TMEM135: variants seen among roughly 807,000 people sequenced by gnomAD.
The protein encoded by TMEM135 is transmembrane protein 135.
TMEM135 carries 30 observed loss-of-function variants against 60.3 expected under a neutral mutation model. That is an observed-to-expected ratio of 0.50 (90% CI 0.37 to 0.68). The LOEUF (loss-of-function observed/expected upper bound fraction) is 0.68. Among genes scored for constraint, TMEM135 ranks in the 30% least tolerant of loss-of-function variants. The pLI, the probability that TMEM135 is intolerant of heterozygous loss-of-function variation, is 0.00. For synonymous variants in TMEM135, 190 were observed against 186.7 expected (o/e 1.02, Z -0.14); for missense variants, 468 against 548.8 (o/e 0.85, Z 1.47).
chr11:87,053,616 A>T (rs981783417), intron 1 of TMEM135, among the ~76,000 whole-genome samples: 2 of 152,052 alleles, frequency 1.3e-5, no homozygotes, highest in Admixed American at 1.3e-4. Flanking sequence ...TACTTCCCTT[A>T]CTTTTATAGT....
At chr11:87,233,081 G>A (rs1940922479) in intron 5 of TMEM135, among the ~76,000 whole-genome samples, 1 of 152,066 alleles carries the variant, frequency 6.6e-6, no homozygotes, top group Admixed American at 6.6e-5. Flanking sequence ...AACCTGGGAG[G>A]TGGAGGTTGC....
intron 7 of TMEM135, among the ~76,000 whole-genome samples, chr11:87,301,662 T>A (rs1349631436): frequency 3.0e-4 from 46 of 152,186 alleles, no homozygotes; most frequent in Non-Finnish European, 2.9e-5. Context: ...AGTTATTCTT[T>A]ATAAGGGCAA....
intron 5 of TMEM135, among the ~76,000 whole-genome samples, chr11:87,234,216 C>T (rs962339842): frequency 3.3e-5 from 5 of 152,066 alleles, no homozygotes; most frequent in Middle Eastern, 3.4e-3. Flanking sequence ...CCCCAGTCTT[C>T]TGTATTTCTT....
chr11:87,080,193 A>G (rs1015459051), intron 3 of TMEM135, among the ~76,000 whole-genome samples: 10 of 135,812 alleles, frequency 7.4e-5, no homozygotes, highest in South Asian at 2.3e-4. Flanking sequence ...TTTGATATCA[A>G]CAAGGACAAG....
chr11:87,182,615 A>T (rs2135304869), intron 5 of TMEM135, among the ~76,000 whole-genome samples: 1 of 152,246 alleles, frequency 6.6e-6, no homozygotes, highest in African/African-American at 2.4e-5. Flanking sequence ...AATATTATGG[A>T]GATGTCTGAA....
intron 3 of TMEM135, among the ~76,000 whole-genome samples, chr11:87,072,052 A>G: frequency 6.6e-6 from 1 of 152,024 alleles, no homozygotes; most frequent in Non-Finnish European, 1.5e-5. Flanking sequence ...TATTAGCTGG[A>G]TGTGATGATG....
intron 5 of TMEM135, among the ~76,000 whole-genome samples, chr11:87,210,255 T>G (rs563434219): frequency 2.6e-5 from 4 of 152,230 alleles, no homozygotes; most frequent in East Asian, 3.9e-4. Context: ...TAAACAGGAT[T>G]GTTGTGGCAC....
At chr11:87,133,830 A>G (rs1473924209) in intron 4 of TMEM135, among the ~76,000 whole-genome samples, 1 of 151,972 alleles carries the variant, frequency 6.6e-6, no homozygotes, top group Non-Finnish European at 1.5e-5. Flanking sequence ...CAGCATAATT[A>G]TTTTGAGATT....
intron 4 of TMEM135, among the ~76,000 whole-genome samples, chr11:87,156,216 C>A (rs1938690691): frequency 6.6e-6 from 1 of 152,138 alleles, no homozygotes; most frequent in South Asian, 2.1e-4. Flanking sequence ...ATTCCATTGT[C>A]TTAGATGTCC....
chr11:87,174,916 T>G (rs1360816639), intron 5 of TMEM135, among the ~76,000 whole-genome samples: 1 of 152,130 alleles, frequency 6.6e-6, no homozygotes, highest in Non-Finnish European at 1.5e-5. Flanking sequence ...ATCTCTAATG[T>G]GGTGGGAAGA....
At chr11:87,206,411 T>G (rs368959351) in intron 5 of TMEM135, among the ~76,000 whole-genome samples, 10 of 152,304 alleles carry the variant, frequency 6.6e-5, no homozygotes, top group African/African-American at 2.4e-4. Context: ...TGATGGTACA[T>G]GTAACTCATT....
At chr11:87,070,414 G>T (rs553990590) in intron 2 of TMEM135, among the ~76,000 whole-genome samples, 8 of 151,964 alleles carry the variant, frequency 5.3e-5, no homozygotes, top group Admixed American at 1.3e-4. Flanking sequence ...GGGGGCCGAG[G>T]CAGATGGATC....
At chr11:87,141,391 G>C (rs548728240) in intron 4 of TMEM135, among the ~76,000 whole-genome samples, 1 of 151,976 alleles carries the variant, frequency 6.6e-6, no homozygotes, top group East Asian at 1.9e-4. Flanking sequence ...GTTGGTTTTT[G>C]GTAGGATACA....
intron 8 of TMEM135, 55 bp downstream of exon 8, chr11:87,302,497 T>C (rs1942467045): frequency 6.2e-7 from 1 of 1,606,996 alleles, no homozygotes; most frequent in Non-Finnish European, 8.5e-7. Flanking sequence ...CATATGATAT[T>C]TGTACCATGC....
intron 5 of TMEM135, among the ~76,000 whole-genome samples, chr11:87,166,170 G>T (rs1043743384): frequency 6.6e-6 from 1 of 151,564 alleles, no homozygotes; most frequent in Non-Finnish European, 1.5e-5. Context: ...TGATGGGGCT[G>T]TTTGTTTTTT....
chr11:87,110,772 ATGTG>A (rs113927464), intron 4 of TMEM135, among the ~76,000 whole-genome samples: 4 of 56,060 alleles, frequency 7.1e-5, no homozygotes, highest in South Asian at 5.3e-4. Flanking sequence ...GTGTGTGTGT[ATGTG>A]TGTGTGTGTG....
chr11:87,218,844 C>T (rs191353249), intron 5 of TMEM135, among the ~76,000 whole-genome samples: 217 of 152,248 alleles, frequency 1.4e-3, no homozygotes, highest in Non-Finnish European at 2.2e-3. Flanking sequence ...CACCTGTGAT[C>T]CCAGCTATTC....
Position 87,280,696 on chromosome 11 carries a change from C to T in TMEM135, c.510-15086C>T, listed in dbSNP as rs1444315484. On this transcript the variant is annotated intron_variant, in intron 6 of 14. Transcript: ENST00000305494. The stretch of plus-strand genomic sequence containing the variant: ...ATATCATTATTTGATTGTACCTATA[C>T]CTTCTGGATTGTGAATTCCTGAAGC... Among the ~76,000 whole-genome samples the T allele has an allele frequency of 2.0e-5, 3 of 152,106 alleles. No individual in the cohort carries two copies. In the East Asian group the frequency reaches 5.8e-4, roughly 29 times the overall value.
intron 4 of TMEM135, among the ~76,000 whole-genome samples, chr11:87,131,589 C>T (rs1477111885): frequency 6.6e-6 from 1 of 152,116 alleles, no homozygotes; most frequent in Non-Finnish European, 1.5e-5. Context: ...AGAGGATATA[C>T]TGCATAGTGA....
Sources: gnomAD v4.1 joint callset for allele counts (sites outside exome capture counted in the v4.1 genomes callset) on GRCh38, gnomAD v4.1.1 for gene constraint, MANE v1.5 for transcripts, NCBI Gene and HGNC (gene_info 2026-07-23, HGNC 2026-07-21) for gene names.